TMC3: variants seen among roughly 807,000 people sequenced by gnomAD.
TMC3 encodes the protein transmembrane channel like 3.
In TMC3, 98 loss-of-function variants were observed where a neutral mutation model predicts 110.6. The ratio of observed to expected loss-of-function variants is 0.89; its 90% CI spans 0.75 to 1.05. The LOEUF (loss-of-function observed/expected upper bound fraction) is 1.05. Among genes scored for constraint, TMC3 ranks in the 50% least tolerant of loss-of-function variants. TMC3 has a pLI of 0.00. For synonymous variants in TMC3, 489 were observed against 513.1 expected, an observed-to-expected ratio of 0.95 and a Z score of 0.63; for missense variants, 1,319 against 1,373.2, an observed-to-expected ratio of 0.96 and a Z score of 0.62.
chr15:81,361,853 A>C, intron 4 of TMC3: 1 of 161,776 alleles, frequency 6.2e-6, no homozygotes, highest in Non-Finnish European at 1.4e-5. Context: ...TTATCTCTAT[A>C]AAAATGCAGA....
intron 1 of TMC3, 34 bp from the exon 2 acceptor site, chr15:81,372,771 T>G: frequency 6.2e-7 from 1 of 1,607,778 alleles, no homozygotes; most frequent in South Asian, 1.1e-5. Context: ...GGAAATCTGA[T>G]TAGAAGAATT....
intron 18 of TMC3, 134 bp from the exon 19 acceptor site, chr15:81,338,058 T>G: frequency 1.4e-6 from 1 of 692,574 alleles, no homozygotes; most frequent in Non-Finnish European, 2.6e-6. Flanking sequence ...GACCCTCCGC[T>G]AAGGACAAAA....
chr15:81,358,047 G>T, intron 7 of TMC3, 102 bp downstream of exon 7: 1 of 1,323,890 alleles, frequency 7.6e-7, no homozygotes, highest in Non-Finnish European at 1.0e-6. Flanking sequence ...GAGAAATCAA[G>T]CAGTCATACT....
intron 2 of TMC3, among the ~76,000 whole-genome samples, chr15:81,371,746 G>A (rs8032164): frequency 0.44 from 67,642 of 152,088 alleles, 17,542 homozygotes; most frequent in African/African-American, 0.71. Flanking sequence ...AAACTTGAAT[G>A]TGCAAAAGTA....
intron 2 of TMC3, among the ~76,000 whole-genome samples, chr15:81,371,088 A>G (rs1596099777): frequency 6.6e-6 from 1 of 152,216 alleles, no homozygotes; most frequent in African/African-American, 2.4e-5. Context: ...CTAGATTTAA[A>G]GCTTAATTCT....
intron 11 of TMC3, among the ~76,000 whole-genome samples, chr15:81,347,552 GAAGGA>G (rs1201371868): frequency 6.6e-6 from 1 of 152,220 alleles, no homozygotes; most frequent in East Asian, 1.9e-4. Flanking sequence ...TTGGCCAAAG[GAAGGA>G]TTGAATGCAT....
At chr15:81,341,597 A>G in intron 15 of TMC3, 79 bp from the exon 16 acceptor site, 2 of 1,489,776 alleles carry the variant, frequency 1.3e-6, no homozygotes, top group South Asian at 2.6e-5. Flanking sequence ...CCATGCAGGA[A>G]CATGGTTCTG....
chr15:81,332,332 C>T lies in TMC3; in HGVS notation c.*87G>A, dbSNP rs1893478511. On this transcript the variant is annotated 3_prime_UTR_variant, in exon 22 of 22. Transcript: ENST00000359440. ...CTCAGGTCTCTAACACACTTGTTCA[C>T]CTCTTTTTCCAGAAAGGGAGATGCC... 4 of 1,469,476 alleles carry T rather than the reference C, an allele frequency of 2.7e-6. No individual in the cohort carries two copies. Among genetic ancestry groups the T allele is most frequent in the Non-Finnish European group, 3.6e-6 (4 of 1,108,416 alleles). The allele number at this position is 1,469,476 out of a possible 1,614,324, so 91.0% of individuals were successfully genotyped here.
At chr15:81,337,626 A>G (rs1167113344) in intron 19 of TMC3, 7 of 604,270 alleles carry the variant, frequency 1.2e-5, no homozygotes, top group East Asian at 8.4e-5. Context: ...GAGGAGGAAG[A>G]AAAACAGGAG....
intron 21 of TMC3, 78 bp from the exon 22 acceptor site, chr15:81,333,340 C>A: frequency 1.3e-6 from 2 of 1,524,730 alleles, no homozygotes; most frequent in Non-Finnish European, 1.8e-6. Context: ...GAGCTGTGAG[C>A]AGTTCTCTGA....
rs532576010 is a variant in TMC3, at chr15:81,349,759, C to CTTTT, written c.1084-196_1084-193dup. Reference sequence around the variant, plus strand: ...AAGGCGGCCACCACTTTATCATGGTCTTTTTTTTTTTTTTTTTTGAACTCT... The same window carrying CTTTT: ...AAGGCGGCCACCACTTTATCATGGTCTTTTTTTTTTTTTTTTTTTTTTGAACTCT... On this transcript the variant is annotated intron_variant, in intron 10 of 21. Transcript: ENST00000359440. Among the ~76,000 whole-genome samples the CTTTT allele has an allele frequency of 3.1e-3, 402 of 129,430 alleles. 5 individuals are homozygous for CTTTT. The highest frequency in any genetic ancestry group is 4.0e-3 in the Middle Eastern group (1 of 250). The allele number at this position is 129,430 out of a possible 152,430, so 84.9% of individuals were successfully genotyped here.
rs185815338 is a variant in TMC3, at chr15:81,359,675, G to A, written c.395-204C>T. Among the ~76,000 whole-genome samples the A allele has an allele frequency of 1.7e-3, 255 of 152,278 alleles. 3 individuals carry two copies. Among genetic ancestry groups the A allele is most frequent in the African/African-American group, 6.0e-3 (248 of 41,564 alleles). On this transcript the variant is annotated intron_variant, in intron 4 of 21. Transcript: ENST00000359440. ...GAATATCTATCAGTTCTATAGGCAG[G>A]AAAAGTCTCTAGTTTGCCTAAAATG...
intron 1 of TMC3, 78 bp downstream of exon 1, chr15:81,373,911 C>T: frequency 7.5e-7 from 1 of 1,332,672 alleles, no homozygotes; most frequent in Non-Finnish European, 1.1e-6. Flanking sequence ...GGGACTTTGT[C>T]CCTCGCTCTG....
chr15:81,366,778 A>G (rs970099875), intron 3 of TMC3, among the ~76,000 whole-genome samples: 5 of 152,248 alleles, frequency 3.3e-5, no homozygotes, highest in Non-Finnish European at 7.3e-5. Context: ...AGAAGAAAGA[A>G]TGCCAAGATG....
chr15:81,333,768 C>A (rs538202916), intron 21 of TMC3, among the ~76,000 whole-genome samples: 8 of 152,250 alleles, frequency 5.3e-5, no homozygotes, highest in African/African-American at 1.9e-4. Flanking sequence ...GCAGGTGGAT[C>A]ACTTAAGGTC....
At chr15:81,357,038 T>G (rs547069655) in intron 7 of TMC3, among the ~76,000 whole-genome samples, 2 of 152,316 alleles carry the variant, frequency 1.3e-5, no homozygotes, top group South Asian at 4.1e-4. Flanking sequence ...TTTCTTTAGA[T>G]ATTTGAAGGC....
intron 2 of TMC3, among the ~76,000 whole-genome samples, chr15:81,372,153 C>G (rs1024668277): frequency 2.6e-5 from 4 of 151,122 alleles, no homozygotes; most frequent in African/African-American, 9.8e-5. Flanking sequence ...TGGTAATATC[C>G]AAGCAGCTAA....
At chr15:81,347,186 G>T (rs1163988960) in intron 11 of TMC3, among the ~76,000 whole-genome samples, 1 of 151,704 alleles carries the variant, frequency 6.6e-6, no homozygotes, top group African/African-American at 2.4e-5. Flanking sequence ...AGTGAGAAAG[G>T]AAACGACAGG....
chr15:81,367,379 G>A (rs1003972315), intron 3 of TMC3, among the ~76,000 whole-genome samples: 3 of 152,152 alleles, frequency 2.0e-5, no homozygotes, highest in Admixed American at 1.3e-4. Context: ...AAATAATTAT[G>A]CAATGACTGA....
Sources: allele counts gnomAD v4.1 joint callset (sites outside exome capture counted in the v4.1 genomes callset), GRCh38; gene constraint gnomAD v4.1.1; transcripts MANE v1.5; gene names NCBI Gene and HGNC (gene_info 2026-07-23, HGNC 2026-07-21).